Variants in CNBD1 observed in about 807,000 individuals in gnomAD.
CNBD1 encodes cyclic nucleotide-binding domain-containing protein 1.
A neutral mutation model predicts 54.4 loss-of-function variants in CNBD1; 71 were observed. The observed-to-expected ratio is 1.30, with a 90% CI of 1.08 to 1.59. CNBD1 has a LOEUF of 1.59. CNBD1 is among the 40% of genes most tolerant of loss of function. The probability of loss-of-function intolerance (pLI) is 0.00; values close to 1 mark genes in which losing one functional copy is unlikely to be tolerated. For synonymous variants in CNBD1, 182 were observed against 170.7 expected (o/e 1.07, Z -0.51); for missense variants, 659 against 518.0 (o/e 1.27, Z -2.64).
At chr8:87,406,159 A>C (rs150155217) in intron 2 of CNBD1, among the ~76,000 whole-genome samples, 1 of 152,134 alleles carries the variant, frequency 6.6e-6, no homozygotes, top group Non-Finnish European at 1.5e-5. Flanking sequence ...TCATTAATTT[A>C]ATGATCTGTA....
At chr8:87,224,209 G>C (rs930814997) in intron 5 of CNBD1, among the ~76,000 whole-genome samples, 1 of 151,454 alleles carries the variant, frequency 6.6e-6, no homozygotes, top group Non-Finnish European at 1.5e-5. Flanking sequence ...TCACTCTGAT[G>C]GTAGTTTCTT....
intron 4 of CNBD1, among the ~76,000 whole-genome samples, chr8:86,977,785 T>C (rs1429138215): frequency 6.6e-6 from 1 of 152,140 alleles, no homozygotes; most frequent in Non-Finnish European, 1.5e-5. Context: ...CCAGGTGGCT[T>C]CATGGCTGAA....
intron 8 of CNBD1, among the ~76,000 whole-genome samples, chr8:87,339,964 G>A (rs1035877373): frequency 6.6e-6 from 1 of 152,134 alleles, no homozygotes; most frequent in Admixed American, 6.5e-5. Context: ...TGTCTTTATA[G>A]TAATCTTTAC....
chr8:86,991,301 A>G (rs1344169266), intron 4 of CNBD1, among the ~76,000 whole-genome samples: 1 of 152,060 alleles, frequency 6.6e-6, no homozygotes, highest in South Asian at 2.1e-4. Context: ...TTAATGTGAT[A>G]CCAGCTGTGT....
intron 8 of CNBD1, among the ~76,000 whole-genome samples, chr8:87,311,644 T>G (rs552113680): frequency 6.6e-6 from 1 of 152,204 alleles, no homozygotes; most frequent in Admixed American, 6.6e-5. Flanking sequence ...ACACATGCAC[T>G]TGTATGTTCA....
At chr8:86,926,717 C>T (rs1809367013) in intron 3 of CNBD1, among the ~76,000 whole-genome samples, 1 of 152,286 alleles carries the variant, frequency 6.6e-6, no homozygotes, top group Middle Eastern at 3.4e-3. Context: ...GTCCAGGCCC[C>T]AGCAGTCTTG....
intron 6 of CNBD1, 153 bp downstream of exon 6, chr8:87,237,265 T>G (rs1807603482): frequency 2.3e-6 from 1 of 442,778 alleles, no homozygotes; most frequent in Non-Finnish European, 4.0e-6. Context: ...TTATTAATAC[T>G]TACATTTGAT....
intron 8 of CNBD1, among the ~76,000 whole-genome samples, chr8:87,343,683 G>C (rs1381879818): frequency 6.6e-6 from 1 of 151,994 alleles, no homozygotes; most frequent in African/African-American, 2.4e-5. Flanking sequence ...CTTTTTCATT[G>C]CACATTGAAA....
chr8:87,312,874 G>T (rs1156268569), intron 8 of CNBD1, among the ~76,000 whole-genome samples: 1 of 151,966 alleles, frequency 6.6e-6, no homozygotes, highest in African/African-American at 2.4e-5. Context: ...AACTTCACAG[G>T]AGTTTTTAGG....
At chr8:87,011,832 AC>A (rs772150925) in intron 4 of CNBD1, among the ~76,000 whole-genome samples, 1 of 152,208 alleles carries the variant, frequency 6.6e-6, no homozygotes, top group Non-Finnish European at 1.5e-5. Context: ...GAGAAGATAA[AC>A]AAAAATATTA....
rs71556428 is a variant in CNBD1 at position 87,116,195 on chromosome 8, C to CTTTTT, written c.432-89778_432-89774dup. Among the ~76,000 whole-genome samples, 643 of 74,524 alleles carry CTTTTT rather than the reference C, an allele frequency of 8.6e-3. 1 individual carries two copies. Among genetic ancestry groups the CTTTTT allele is most frequent in the East Asian group, 0.012 (28 of 2,414 alleles). 48.9% of individuals were successfully genotyped at this position (74,524 alleles called of 152,430 possible). ...TTGCTATTTTATTCTATTCTCATGT[C>CTTTTT]TTTTTTTTTTTTTTTTTTTTTTTTG... On this transcript the variant is annotated intron_variant, in intron 4 of 10. Coordinates refer to ENST00000518476, the MANE Select transcript of CNBD1 (RefSeq NM_173538.3).
Position 86,950,404 on chromosome 8 carries a change from T to C in CNBD1, c.431+10650T>C, listed in dbSNP as rs138014311. ...TTTTAGGTATCAATTAAAACAATTATATGATTTTTGCCCTTCATTCTGTTG... is the reference window on the plus strand; with the variant it reads ...TTTTAGGTATCAATTAAAACAATTACATGATTTTTGCCCTTCATTCTGTTG... On this transcript the variant is annotated intron_variant, in intron 4 of 10. Coordinates refer to ENST00000518476, the MANE Select transcript of CNBD1 (RefSeq NM_173538.3). 7.4e-4 allele frequency among the ~76,000 whole-genome samples: 112 copies of C among 152,250 alleles called. 1 individual carries two copies. In the East Asian group the frequency reaches 0.02, roughly 28 times the overall value.
intron 4 of CNBD1, among the ~76,000 whole-genome samples, chr8:87,076,488 G>C (rs113333591): frequency 0.012 from 1,891 of 152,010 alleles, 12 homozygotes; most frequent in Non-Finnish European, 0.016. Flanking sequence ...TGTTGCCCAG[G>C]CTTGAGTGCA....
chr8:87,282,622 G>A (rs534938355), intron 6 of CNBD1, among the ~76,000 whole-genome samples: 223 of 151,900 alleles, frequency 1.5e-3, no homozygotes, highest in African/African-American at 5.3e-3. Flanking sequence ...TGGTGTGTAA[G>A]GCGTATTGGA....
At chr8:87,265,605 G>A (rs10216557) in intron 6 of CNBD1, among the ~76,000 whole-genome samples, 38,846 of 151,996 alleles carry the variant, frequency 0.26, 5,984 homozygotes, top group Middle Eastern at 0.35. Context: ...TCAAATGAAT[G>A]AAACTCTAGA....
intron 6 of CNBD1, among the ~76,000 whole-genome samples, chr8:87,255,999 ATATATATATATATATATTTTTTTTTT>A (rs1563526026): frequency 1.3e-4 from 2 of 15,400 alleles, no homozygotes; most frequent in South Asian, 2.4e-3. Flanking sequence ...ATATATATAT[ATATATATATATATATATTTTTTTTTT>A]TTTTTTTTTT....
intron 8 of CNBD1, among the ~76,000 whole-genome samples, chr8:87,321,241 G>A (rs956812050): frequency 6.7e-6 from 1 of 149,130 alleles, no homozygotes; most frequent in African/African-American, 2.5e-5. Flanking sequence ...TTAATTTTTT[G>A]AAGAATCTTC....
rs555539704 is a variant in CNBD1, at chr8:86,947,723, G to A, written c.431+7969G>A. Among the ~76,000 whole-genome samples, 3 of 152,194 alleles carry A rather than the reference G, an allele frequency of 2.0e-5. No individual in the cohort carries two copies. The South Asian group carries it at 6.2e-4, about 32-fold the overall frequency. On this transcript the variant is annotated intron_variant, in intron 4 of 10. Transcript: ENST00000518476. Reference sequence around the variant, plus strand: ...GAATAATAATGACATCATGGAGAATGGGGTGTTCGTGCCCTCAGGCATTTA... The same window carrying A: ...GAATAATAATGACATCATGGAGAATAGGGTGTTCGTGCCCTCAGGCATTTA...
At chr8:87,234,215 A>G (rs1263977113) in intron 5 of CNBD1, among the ~76,000 whole-genome samples, 5 of 152,152 alleles carry the variant, frequency 3.3e-5, no homozygotes, top group African/African-American at 1.2e-4. Flanking sequence ...GAGGGTTGGA[A>G]TCAACTTTTC....
Sources: allele counts gnomAD v4.1 joint callset (sites outside exome capture counted in the v4.1 genomes callset), GRCh38; gene constraint gnomAD v4.1.1; transcripts MANE v1.5; gene names NCBI Gene and HGNC (gene_info 2026-07-23, HGNC 2026-07-21).